The following ZFPM1 variants were observed in gnomAD, a reference collection of about 807,000 sequenced individuals.
ZFPM1 encodes the protein zinc finger protein, FOG family member 1.
Under a neutral mutation model 46.3 loss-of-function variants are expected in ZFPM1, and 28 were observed. That is an observed-to-expected ratio of 0.60 (90% CI 0.45 to 0.83). The LOEUF (loss-of-function observed/expected upper bound fraction) is 0.83, where lower values mean the gene tolerates loss of function less well. ZFPM1 is among the 40% of genes least tolerant of loss of function. The probability of loss-of-function intolerance (pLI) is 0.00; values close to 1 mark genes in which losing one functional copy is unlikely to be tolerated. For missense variants in ZFPM1, 1,878 were observed against 1,432.4 expected (o/e 1.31, Z -5.02); for synonymous variants, 957 against 675.9 (o/e 1.42, Z -6.45).
chr16:88,470,973 A>T (rs933952404), intron 1 of ZFPM1, among the ~76,000 whole-genome samples: 1 of 152,200 alleles, frequency 6.6e-6, no homozygotes, highest in South Asian at 2.1e-4. Flanking sequence ...TGACGCACTG[A>T]CCCAGGGCCC....
chr16:88,498,786 G>A (rs1039084118), intron 3 of ZFPM1, among the ~76,000 whole-genome samples: 1 of 152,250 alleles, frequency 6.6e-6, no homozygotes, highest in African/African-American at 2.4e-5. Context: ...CGGCTGCAGA[G>A]GGTGGTTATC....
At chr16:88,507,971 G>A (rs1453161183) in intron 3 of ZFPM1, among the ~76,000 whole-genome samples, 6 of 152,186 alleles carry the variant, frequency 3.9e-5, no homozygotes, top group Admixed American at 3.9e-4. Flanking sequence ...GGGATCACAG[G>A]AAGGGGCCCA....
intron 1 of ZFPM1, among the ~76,000 whole-genome samples, chr16:88,467,975 A>C (rs1473187711): frequency 6.6e-6 from 1 of 150,886 alleles, no homozygotes; most frequent in Non-Finnish European, 1.5e-5. Context: ...CAAAAGTGAG[A>C]ACACACTCTC....
At chr16:88,506,893 A>T (rs1325025686) in intron 3 of ZFPM1, among the ~76,000 whole-genome samples, 1 of 152,204 alleles carries the variant, frequency 6.6e-6, no homozygotes, top group Non-Finnish European at 1.5e-5. Context: ...CCCGCGTCTC[A>T]TCCGCCTGCG....
chr16:88,483,330 C>T (rs1481267118), intron 1 of ZFPM1, among the ~76,000 whole-genome samples: 1 of 152,028 alleles, frequency 6.6e-6, no homozygotes, highest in African/African-American at 2.4e-5. Flanking sequence ...TGAGGGTCCC[C>T]TCCTCCCCGT....
In ZFPM1 at chr16:88,534,475, G is replaced by A; in HGVS notation, c.2517G>A (p.Ser839=). The change falls in exon 10 of 10, where the codon TCG becomes TCA. Residue 839 remains serine, a synonymous_variant. Coordinates refer to ENST00000319555, the MANE Select transcript of ZFPM1 (RefSeq NM_153813.3). Reference sequence around the variant, plus strand: ...CCTACCTGGCGCACAAGAAGTACTCGTGCCCCGCTGCGCCACCGCCCGGCG... The same window carrying A: ...CCTACCTGGCGCACAAGAAGTACTCATGCCCCGCTGCGCCACCGCCCGGCG... ...LEAYLAHKKY[S]CPAAPPPGAL... 1.3e-6 allele frequency: 2 copies of A among 1,485,140 alleles called. No individual in the cohort carries two copies. The highest frequency in any genetic ancestry group is 1.8e-6 in the Non-Finnish European group (2 of 1,124,200). The allele number at this position is 1,485,140 out of a possible 1,614,324, so 92.0% of individuals were successfully genotyped here.
intron 2 of ZFPM1, among the ~76,000 whole-genome samples, chr16:88,488,761 G>A (rs1198051171): frequency 6.6e-6 from 1 of 152,224 alleles, no homozygotes; most frequent in Non-Finnish European, 1.5e-5. Context: ...GGACAGGCCA[G>A]TTGGCCATCC....
At chr16:88,527,984 G>A (rs1221615320) in intron 5 of ZFPM1, 48 bp from the exon 6 acceptor site, 5 of 1,483,840 alleles carry the variant, frequency 3.4e-6, no homozygotes, top group African/African-American at 2.8e-5. Context: ...AGACGGGACA[G>A]GGAAGTGGGG....
intron 4 of ZFPM1, among the ~76,000 whole-genome samples, chr16:88,521,192 C>T (rs939988372): frequency 2.0e-5 from 3 of 151,934 alleles, no homozygotes; most frequent in African/African-American, 7.3e-5. Context: ...GCCGTTCCCT[C>T]CTCTGTGCTG....
intron 1 of ZFPM1, among the ~76,000 whole-genome samples, chr16:88,464,901 G>A (rs1328821821): frequency 1.3e-5 from 2 of 152,146 alleles, no homozygotes; most frequent in Admixed American, 6.5e-5. Context: ...CCCCACCAGC[G>A]ATCCGCTGCC....
chr16:88,456,648 T>G (rs1232378189), intron 1 of ZFPM1, among the ~76,000 whole-genome samples: 1 of 152,128 alleles, frequency 6.6e-6, no homozygotes, highest in Non-Finnish European at 1.5e-5. Context: ...TGGCCTCAGT[T>G]TTCCACTGCT....
At chr16:88,529,432 C>T (rs1912607931) in intron 6 of ZFPM1, among the ~76,000 whole-genome samples, 1 of 151,996 alleles carries the variant, frequency 6.6e-6, no homozygotes, top group Non-Finnish European at 1.5e-5. Flanking sequence ...GCAAAGAGAC[C>T]TGCAGGGCCA....
Position 88,534,370 on chromosome 16 carries a change from G to A in ZFPM1, c.2412G>A (p.Pro804=), listed in dbSNP as rs748997879. 4 of 1,436,056 alleles carry A rather than the reference G, an allele frequency of 2.8e-6. No individual in the cohort carries two copies. Among genetic ancestry groups the A allele is most frequent in the Non-Finnish European group, 3.6e-6 (4 of 1,099,404 alleles). The allele number at this position is 1,436,056 out of a possible 1,614,324, so 89.0% of individuals were successfully genotyped here. A position where few individuals can be genotyped will look rare whatever the true frequency, so the allele number is the denominator to read the frequency against. Residue 804 remains proline, a synonymous_variant, in exon 10 of 10, where the codon CCG becomes CCA. Coordinates refer to ENST00000319555, the MANE Select transcript of ZFPM1 (RefSeq NM_153813.3). ...PIDLSKKPRR[P]LPGAPAPALA... ...ACCTGAGCAAGAAGCCGCGGCGCCC[G>A]CTCCCCGGAGCCCCGGCACCGGCGC...
In ZFPM1 at chr16:88,532,410, G is replaced by A. The variant is rs527509829; in HGVS notation, c.946+175G>A. 6.6e-6 allele frequency among the ~76,000 whole-genome samples: 1 copy of A among 152,308 alleles called. No individual in the cohort carries two copies. Among genetic ancestry groups the A allele is most frequent in the Admixed American group, 6.5e-5 (1 of 15,302 alleles). Reference sequence around the variant, plus strand: ...CCCAGAGCAGGCAGGCCGGACTGTGGGCTATCTGGGTAGTCAGCTGAGGGC... The same window carrying A: ...CCCAGAGCAGGCAGGCCGGACTGTGAGCTATCTGGGTAGTCAGCTGAGGGC... On this transcript the variant is annotated intron_variant, in intron 7 of 9. Coordinates refer to ENST00000319555, the MANE Select transcript of ZFPM1 (RefSeq NM_153813.3).
intron 4 of ZFPM1, 23 bp from the exon 5 acceptor site, chr16:88,526,791 G>C: frequency 2.0e-6 from 3 of 1,487,478 alleles, no homozygotes; most frequent in Admixed American, 4.6e-5. Context: ...CCCTCCCCAC[G>C]TGTTCCTACC....
At chr16:88,488,978 C>A (rs1337922852) in intron 2 of ZFPM1, 53 bp from the exon 3 acceptor site, 1 of 1,574,332 alleles carries the variant, frequency 6.4e-7, no homozygotes, top group Non-Finnish European at 8.6e-7. Context: ...CAGGGAGGGG[C>A]AGCTCAGTGC....
chr16:88,531,719 C>G (rs771960890), intron 6 of ZFPM1, among the ~76,000 whole-genome samples: 1 of 152,212 alleles, frequency 6.6e-6, no homozygotes, highest in East Asian at 1.9e-4. Context: ...CCCATGAGGC[C>G]AAAGCATCTC....
In ZFPM1 at chr16:88,483,290, AC is replaced by A. The variant is rs1224718992; in HGVS notation, c.41-2643del. On this transcript the variant is annotated intron_variant, in intron 1 of 9. Coordinates refer to ENST00000319555, the MANE Select transcript of ZFPM1 (RefSeq NM_153813.3). ...GTGGCACCTGCCCCTCCTGTCCAGG[AC>A]CCCCCATGGCTCCCCGGTGGCCCCA... Among the ~76,000 whole-genome samples, 3 of 145,668 alleles carry A rather than the reference AC, an allele frequency of 2.1e-5. No individual in the cohort carries two copies. The East Asian group carries it at 6.1e-4, about 30-fold the overall frequency.
chr16:88,528,665 G>A (rs1912539811), intron 6 of ZFPM1, among the ~76,000 whole-genome samples: 1 of 152,230 alleles, frequency 6.6e-6, no homozygotes, highest in African/African-American at 2.4e-5. Context: ...CGGCAGCCCT[G>A]GCCCCGGCCC....
Sources: gnomAD v4.1 joint callset for allele counts (sites outside exome capture counted in the v4.1 genomes callset) on GRCh38, gnomAD v4.1.1 for gene constraint, MANE v1.5 for transcripts, NCBI Gene and HGNC (gene_info 2026-07-23, HGNC 2026-07-21) for gene names.